The following DLG2 variants were observed in gnomAD, a reference collection of about 807,000 sequenced individuals.
The protein encoded by DLG2 is disks large homolog 2.
A neutral mutation model predicts 132.5 loss-of-function variants in DLG2; 45 were observed. The ratio of observed to expected loss-of-function variants is 0.34; its 90% CI spans 0.27 to 0.44. The LOEUF is 0.44. Among genes scored for constraint, DLG2 ranks in the 20% least tolerant of loss-of-function variants. DLG2 has a pLI of 1.00. For missense variants in DLG2, 1,045 were observed against 1,196.9 expected (o/e 0.87, Z 1.87); for synonymous variants, 424 against 419.6 (o/e 1.01, Z -0.13).
At chr11:84,454,750 A>G (rs1345704927) in intron 7 of DLG2, among the ~76,000 whole-genome samples, 2 of 151,534 alleles carry the variant, frequency 1.3e-5, no homozygotes, top group African/African-American at 4.8e-5. Context: ...CACATTTTGC[A>G]TGATTCCATT....
At chr11:83,594,975 A>T (rs666675) in intron 19 of DLG2, among the ~76,000 whole-genome samples, 1 of 152,102 alleles carries the variant, frequency 6.6e-6, no homozygotes, top group Non-Finnish European at 1.5e-5. Flanking sequence ...GCTTTATGTC[A>T]TGGTGGTAAT....
chr11:85,484,595 G>A (rs1463381724), intron 3 of DLG2, among the ~76,000 whole-genome samples: 2 of 152,094 alleles, frequency 1.3e-5, no homozygotes, highest in Non-Finnish European at 2.9e-5. Flanking sequence ...AAAAACACAT[G>A]AAAAAATGCT....
chr11:84,306,708 G>C (rs1490199280), intron 7 of DLG2, among the ~76,000 whole-genome samples: 3 of 152,050 alleles, frequency 2.0e-5, no homozygotes, highest in African/African-American at 4.8e-5. Flanking sequence ...CTCTGCACAG[G>C]GTGTCTAGCA....
intron 22 of DLG2, among the ~76,000 whole-genome samples, chr11:83,474,295 G>C (rs1441155118): frequency 6.6e-6 from 1 of 152,112 alleles, no homozygotes; most frequent in Non-Finnish European, 1.5e-5. Flanking sequence ...ACATGAAGGT[G>C]ATTGATTACT....
intron 2 of DLG2, among the ~76,000 whole-genome samples, chr11:85,618,541 T>TA (rs1048698442): frequency 6.6e-6 from 1 of 152,122 alleles, no homozygotes; most frequent in Non-Finnish European, 1.5e-5. Context: ...CGCATGTTCT[T>TA]ACAAGTGGGA....
At chr11:83,649,588 C>A (rs549615699) in intron 18 of DLG2, among the ~76,000 whole-genome samples, 1 of 152,218 alleles carries the variant, frequency 6.6e-6, no homozygotes, top group Admixed American at 6.5e-5. Flanking sequence ...AGTTTATGTG[C>A]TGATCATTTT....
At chr11:84,966,273 G>A (rs2053331854) in intron 6 of DLG2, among the ~76,000 whole-genome samples, 1 of 151,920 alleles carries the variant, frequency 6.6e-6, no homozygotes, top group Non-Finnish European at 1.5e-5. Context: ...ACATACCCCA[G>A]TTAGTATTAC....
At chr11:84,292,911 T>TA (rs1422074344) in intron 7 of DLG2, among the ~76,000 whole-genome samples, 1 of 151,974 alleles carries the variant, frequency 6.6e-6, no homozygotes, top group African/African-American at 2.4e-5. Flanking sequence ...GCTAATGAGC[T>TA]AAAAAACAAA....
chr11:84,909,610 T>G (rs976983545), intron 6 of DLG2, among the ~76,000 whole-genome samples: 1 of 152,188 alleles, frequency 6.6e-6, no homozygotes, highest in Non-Finnish European at 1.5e-5. Flanking sequence ...GGCCCAATTA[T>G]GTACTACTGC....
In DLG2 at chr11:85,295,504, G is replaced by A. The variant is rs143187901; in HGVS notation, c.41-10139C>T. On this transcript the variant is annotated intron_variant, in intron 3 of 27. Transcript: ENST00000376104. Reference sequence around the variant, plus strand: ...AGACATGTAGGTTACACCCATGTTAGAGATGGAGAAACTGAGACTGGTTCA... The same window carrying A: ...AGACATGTAGGTTACACCCATGTTAAAGATGGAGAAACTGAGACTGGTTCA... Among the ~76,000 whole-genome samples the A allele has an allele frequency of 3.9e-5, 6 of 152,258 alleles. No homozygotes were observed. The East Asian group carries it at 1.2e-3, about 29-fold the overall frequency.
chr11:85,416,092 C>T (rs2089816882), intron 3 of DLG2, among the ~76,000 whole-genome samples: 1 of 152,208 alleles, frequency 6.6e-6, no homozygotes. Context: ...CCGCATATGG[C>T]TAGCCAGTTT....
chr11:85,516,050 A>C (rs2094162672), intron 3 of DLG2, among the ~76,000 whole-genome samples: 1 of 151,956 alleles, frequency 6.6e-6, no homozygotes. Flanking sequence ...TACTTTTCCT[A>C]ATCAAATACA....
intron 18 of DLG2, among the ~76,000 whole-genome samples, chr11:83,706,046 G>T (rs1020103821): frequency 2.6e-5 from 4 of 151,890 alleles, no homozygotes; most frequent in Non-Finnish European, 5.9e-5. Flanking sequence ...GTGAAACCCC[G>T]TCTCTACTAA....
intron 6 of DLG2, among the ~76,000 whole-genome samples, chr11:85,072,383 T>C (rs2065989075): frequency 6.6e-6 from 1 of 151,818 alleles, no homozygotes. Context: ...CTCAAAGAGA[T>C]TCTGAATCAA....
chr11:85,474,456 T>A (rs2093077975), intron 3 of DLG2, among the ~76,000 whole-genome samples: 1 of 151,854 alleles, frequency 6.6e-6, no homozygotes, highest in African/African-American at 2.4e-5. Context: ...CATTAGTAAT[T>A]AATGGATCAA....
intron 18 of DLG2, chr11:83,647,548 C>T (rs1029178869): frequency 6.6e-6 from 1 of 152,098 alleles, no homozygotes. Flanking sequence ...GCCTTTAATA[C>T]CCAAGTCCTT....
In DLG2 at chr11:84,408,132, A is replaced by T. The variant is rs532259863; in HGVS notation, c.519+126438T>A. On this transcript the variant is annotated intron_variant, in intron 7 of 27. Transcript: ENST00000376104. Reference sequence around the variant, plus strand: ...TGAGCTCGGAAAAGATGACCTGGAGATTCAGAGAAATTAACCAATTAAAAG... The same window carrying T: ...TGAGCTCGGAAAAGATGACCTGGAGTTTCAGAGAAATTAACCAATTAAAAG... 2.6e-5 allele frequency among the ~76,000 whole-genome samples: 4 copies of T among 152,282 alleles called. No homozygotes were observed. The South Asian group carries it at 8.3e-4, about 32-fold the overall frequency.
intron 3 of DLG2, among the ~76,000 whole-genome samples, chr11:85,513,393 G>A (rs2094115576): frequency 6.6e-6 from 1 of 151,712 alleles, no homozygotes; most frequent in Non-Finnish European, 1.5e-5. Flanking sequence ...AAGAAAAAAG[G>A]TAAACATTAT....
intron 6 of DLG2, among the ~76,000 whole-genome samples, chr11:84,799,713 C>G (rs2153955411): frequency 6.6e-6 from 1 of 152,180 alleles, no homozygotes; most frequent in African/African-American, 2.4e-5. Flanking sequence ...CTCAATTTTA[C>G]TTGTCAAACG....
Sources: gnomAD v4.1 joint callset for allele counts (sites outside exome capture counted in the v4.1 genomes callset) on GRCh38, gnomAD v4.1.1 for gene constraint, MANE v1.5 for transcripts, NCBI Gene and HGNC (gene_info 2026-07-23, HGNC 2026-07-21) for gene names.